Variants in SEMA6A observed in about 807,000 individuals in gnomAD.
SEMA6A encodes the protein semaphorin-6A.
SEMA6A carries 25 observed loss-of-function variants against 96.8 expected under a neutral mutation model. The ratio of observed to expected loss-of-function variants is 0.26; its 90% CI spans 0.19 to 0.36. SEMA6A has a LOEUF of 0.36. Among genes scored for constraint, SEMA6A ranks in the 10% least tolerant of loss-of-function variants. SEMA6A has a pLI of 1.00. For synonymous variants in SEMA6A, 612 were observed against 518.0 expected (o/e 1.18, Z -2.46); for missense variants, 1,363 against 1,323.1 (o/e 1.03, Z -0.47).
At chr5:116,548,226 T>C (rs772603649) in intron 1 of SEMA6A, among the ~76,000 whole-genome samples, 5 of 152,204 alleles carry the variant, frequency 3.3e-5, no homozygotes, top group Non-Finnish European at 7.3e-5. Flanking sequence ...CCTTAGTTCT[T>C]GTTTCCAGGG....
At position 116,446,282 on chromosome 5, in the gene SEMA6A, GTGT is replaced by G. The variant is rs1482167313; in HGVS notation, c.*328_*330del. 70 of 167,216 alleles carry G rather than the reference GTGT, an allele frequency of 4.2e-4. 1 individual carries two copies. Among genetic ancestry groups the G allele is most frequent in the African/African-American group, 2.5e-3 (49 of 19,950 alleles). 10.4% of individuals were successfully genotyped at this position (167,216 alleles called of 1,614,324 possible). ...TGTGTGCATGTGTGTGTGTGTGTGT[GTGT>G]GGGGGTGGGGGATGGGGTAGGTATG... is the stretch of plus-strand genomic sequence containing the variant. On this transcript the variant is annotated 3_prime_UTR_variant, in exon 19 of 19. Coordinates refer to ENST00000343348, the MANE Select transcript of SEMA6A (RefSeq NM_020796.5).
At chr5:116,559,586 C>T (rs181797264) in intron 1 of SEMA6A, among the ~76,000 whole-genome samples, 1 of 152,264 alleles carries the variant, frequency 6.6e-6, no homozygotes. Flanking sequence ...TCTCGGGGTT[C>T]GGACCAATAC....
intron 1 of SEMA6A, among the ~76,000 whole-genome samples, chr5:116,544,285 T>TTTTG (rs200220993): frequency 2.6e-5 from 4 of 151,816 alleles, no homozygotes; most frequent in South Asian, 2.1e-4. Flanking sequence ...GATTGAGGTT[T>TTTTG]TTTGTTTGTT....
intron 1 of SEMA6A, among the ~76,000 whole-genome samples, chr5:116,514,548 A>G (rs1758578453): frequency 6.6e-6 from 1 of 152,198 alleles, no homozygotes; most frequent in South Asian, 2.1e-4. Flanking sequence ...GCAGAAACAA[A>G]TGCCTCCTAT....
chr5:116,545,372 C>A (rs992983839), intron 1 of SEMA6A, among the ~76,000 whole-genome samples: 1 of 152,098 alleles, frequency 6.6e-6, no homozygotes, highest in African/African-American at 2.4e-5. Flanking sequence ...GAGTTCGAGA[C>A]AAGCCTGGCC....
Position 116,456,703 on chromosome 5 carries a change from G to A in SEMA6A, c.1895-8892C>T, listed in dbSNP as rs145239700. On this transcript the variant is annotated intron_variant, in intron 18 of 18. Coordinates refer to ENST00000343348, the MANE Select transcript of SEMA6A (RefSeq NM_020796.5). ...TAGTGGTTGGTACCACAGAGCTCAC[G>A]TATGTCCTAGATTGGGTCAGCCCAG... Among the ~76,000 whole-genome samples, 494 of 152,258 alleles carry A rather than the reference G, an allele frequency of 3.2e-3. 1 individual carries two copies. Among genetic ancestry groups the A allele is most frequent in the African/African-American group, 0.011 (474 of 41,546 alleles).
intron 17 of SEMA6A, 127 bp downstream of exon 17, chr5:116,472,946 A>C: frequency 6.5e-7 from 1 of 1,527,806 alleles, no homozygotes; most frequent in Non-Finnish European, 8.8e-7. Flanking sequence ...CTATAAAAAA[A>C]TGATGAGGAT....
intron 18 of SEMA6A, chr5:116,449,366 C>T: frequency 1.4e-6 from 1 of 702,320 alleles, no homozygotes; most frequent in South Asian, 1.5e-5. Context: ...TCAACTCTTT[C>T]TGGAATATGT....
At position 116,486,965 on chromosome 5, in the gene SEMA6A, A is replaced by G; in HGVS notation, c.746T>C (p.Val249Ala). The change falls in exon 10 of 19, where the codon GTA (valine) becomes GCA (alanine). Residue 249 changes from valine (V) to alanine (A), a missense_variant and splice_region_variant. Physicochemically the swap from Val to Ala is moderately conservative, Grantham distance 64. Transcript: ENST00000343348. ...AACCTGAGCCACTCTTGGGAAAACT[A>G]CCTGCAGAGGAAAAACACATAGGGA... ...IAVEYNTMGKVVFPRVAQVCK... is the reference protein window; with the variant it reads ...IAVEYNTMGKAVFPRVAQVCK... The G allele has an allele frequency of 6.2e-7, 1 of 1,610,996 alleles. No individual in the cohort carries two copies. Among genetic ancestry groups the G allele is most frequent in the South Asian group, 1.1e-5 (1 of 90,994 alleles).
chr5:116,473,816 A>G (rs1254621104), intron 16 of SEMA6A, among the ~76,000 whole-genome samples: 1 of 152,162 alleles, frequency 6.6e-6, no homozygotes, highest in Non-Finnish European at 1.5e-5. Flanking sequence ...GAACACGGGG[A>G]GAGGAGAAGC....
chr5:116,525,088 G>C (rs1430544954), intron 1 of SEMA6A, among the ~76,000 whole-genome samples: 2 of 152,144 alleles, frequency 1.3e-5, no homozygotes, highest in Non-Finnish European at 2.9e-5. Context: ...ACTCAACCCT[G>C]ATCACTTTGT....
chr5:116,534,769 C>A (rs1038725370), intron 1 of SEMA6A, among the ~76,000 whole-genome samples: 1 of 152,186 alleles, frequency 6.6e-6, no homozygotes, highest in Non-Finnish European at 1.5e-5. Context: ...GATCATGTCC[C>A]TTTTTTCACT....
At chr5:116,451,577 A>G (rs1473468828) in intron 18 of SEMA6A, among the ~76,000 whole-genome samples, 1 of 152,118 alleles carries the variant, frequency 6.6e-6, no homozygotes, top group Non-Finnish European at 1.5e-5. Context: ...CAAGTACCAC[A>G]TTTTTTCGGC....
At chr5:116,464,653 T>G (rs1202646651) in intron 18 of SEMA6A, among the ~76,000 whole-genome samples, 2 of 151,912 alleles carry the variant, frequency 1.3e-5, no homozygotes, top group Non-Finnish European at 2.9e-5. Flanking sequence ...CTAAGAACAA[T>G]GGTAGCAGAA....
chr5:116,534,304 A>G (rs1759617727), intron 1 of SEMA6A, among the ~76,000 whole-genome samples: 1 of 152,210 alleles, frequency 6.6e-6, no homozygotes, highest in African/African-American at 2.4e-5. Context: ...TGTGTGCAGC[A>G]TAAATCAGAC....
intron 1 of SEMA6A, among the ~76,000 whole-genome samples, chr5:116,528,833 A>G (rs1759342019): frequency 6.6e-6 from 1 of 152,168 alleles, no homozygotes; most frequent in South Asian, 2.1e-4. Context: ...CCTGATAATC[A>G]TCCGTTCTAC....
At chr5:116,461,292 A>G (rs1431882150) in intron 18 of SEMA6A, among the ~76,000 whole-genome samples, 1 of 151,744 alleles carries the variant, frequency 6.6e-6, no homozygotes, top group Non-Finnish European at 1.5e-5. Flanking sequence ...TTAATTTTCC[A>G]TTGTTGAGTG....
At chr5:116,491,623 G>C in intron 7 of SEMA6A, 117 bp downstream of exon 7, 3 of 753,242 alleles carry the variant, frequency 4.0e-6, no homozygotes, top group South Asian at 3.2e-5. Flanking sequence ...CTTAATTACA[G>C]TATTCACCAG....
intron 17 of SEMA6A, among the ~76,000 whole-genome samples, chr5:116,469,811 A>G (rs1478162287): frequency 6.6e-6 from 1 of 152,224 alleles, no homozygotes; most frequent in Admixed American, 6.5e-5. Flanking sequence ...TGGAAAACTC[A>G]TTGGTAATGG....
Sources: gnomAD v4.1 joint callset for allele counts (sites outside exome capture counted in the v4.1 genomes callset) on GRCh38, gnomAD v4.1.1 for gene constraint, MANE v1.5 for transcripts, NCBI Gene and HGNC (gene_info 2026-07-23, HGNC 2026-07-21) for gene names.